CDC42BPA: variants seen among roughly 807,000 people sequenced by gnomAD.
CDC42BPA encodes serine/threonine-protein kinase MRCK alpha.
A neutral mutation model predicts 223.5 loss-of-function variants in CDC42BPA; 80 were observed. That is an observed-to-expected ratio of 0.36 (90% confidence interval 0.30 to 0.43). The LOEUF (loss-of-function observed/expected upper bound fraction) is 0.43, where lower values mean the gene tolerates loss of function less well. CDC42BPA is among the 20% of genes least tolerant of loss of function. The probability of loss-of-function intolerance (pLI) is 1.00; values close to 1 mark genes in which losing one functional copy is unlikely to be tolerated. For synonymous variants in CDC42BPA, 694 were observed against 718.6 expected (o/e 0.97, Z 0.55); for missense variants, 1,743 against 2,099.9 (o/e 0.83, Z 3.32).
chr1:227,315,470 A>C (rs980619283), intron 1 of CDC42BPA, among the ~76,000 whole-genome samples: 2 of 152,060 alleles, frequency 1.3e-5, no homozygotes, highest in East Asian at 3.9e-4. Context: ...AGCTTCGCAG[A>C]TAGGAAAGAA....
rs1393976762 is a variant in CDC42BPA at position 227,304,821 on chromosome 1, A to G, written c.178+12184T>C. 2.0e-5 allele frequency among the ~76,000 whole-genome samples: 3 copies of G among 152,236 alleles called. No individual in the cohort carries two copies. In the East Asian group the frequency reaches 5.8e-4, roughly 29 times the overall value. ...AGAATAGCACAAGAGAATTTTAGGG[A>G]TGATGGAACTGCTCTGTACCTTGAC... On this transcript the variant is annotated intron_variant, in intron 1 of 36. Transcript: ENST00000366766.
intron 5 of CDC42BPA, among the ~76,000 whole-genome samples, chr1:227,188,062 TAA>T (rs1669118983): frequency 1.3e-5 from 2 of 152,036 alleles, no homozygotes; most frequent in Admixed American, 6.5e-5. Context: ...CAGAACTATG[TAA>T]AGAGAGGAAC....
intron 5 of CDC42BPA, among the ~76,000 whole-genome samples, chr1:227,192,543 TCTC>T (rs1489556074): frequency 6.6e-6 from 1 of 152,156 alleles, no homozygotes; most frequent in Non-Finnish European, 1.5e-5. Flanking sequence ...TTTACGTACT[TCTC>T]CTCAGCATCT....
chr1:227,316,940 CTA>C, intron 1 of CDC42BPA, 63 bp downstream of exon 1: 1 of 1,225,398 alleles, frequency 8.2e-7, no homozygotes, highest in Non-Finnish European at 1.2e-6. Flanking sequence ...TCATAACTCT[CTA>C]TACCAATTAA....
intron 8 of CDC42BPA, among the ~76,000 whole-genome samples, chr1:227,143,821 G>A (rs960872948): frequency 6.6e-6 from 1 of 152,168 alleles, no homozygotes; most frequent in Non-Finnish European, 1.5e-5. Flanking sequence ...ATTTCCCTCA[G>A]AGCAATGGTT....
chr1:227,253,268 G>GAGCGAGAGAGAA (rs397693800), intron 2 of CDC42BPA, among the ~76,000 whole-genome samples: 1 of 151,798 alleles, frequency 6.6e-6, no homozygotes, highest in Non-Finnish European at 1.5e-5. Flanking sequence ...GCGAGAGAGA[G>GAGCGAGAGAGAA]CGCGCGCGCG....
intron 1 of CDC42BPA, among the ~76,000 whole-genome samples, chr1:227,275,094 A>G (rs1038034558): frequency 1.3e-5 from 2 of 152,212 alleles, no homozygotes; most frequent in African/African-American, 4.8e-5. Flanking sequence ...AAGAAATACT[A>G]TTTTGAAAAC....
intron 2 of CDC42BPA, among the ~76,000 whole-genome samples, chr1:227,224,380 C>A (rs562497510): frequency 6.6e-6 from 1 of 151,988 alleles, no homozygotes; most frequent in East Asian, 1.9e-4. Context: ...ATTACAGGTG[C>A]GTGCCACCAC....
intron 5 of CDC42BPA, among the ~76,000 whole-genome samples, chr1:227,173,127 C>T (rs1018868800): frequency 8.5e-5 from 13 of 152,126 alleles, no homozygotes; most frequent in African/African-American, 2.7e-4. Context: ...AATATGAAAA[C>T]GTATATAATG....
chr1:227,250,623 AGTGT>A (rs372698370), intron 2 of CDC42BPA, among the ~76,000 whole-genome samples: 10 of 151,128 alleles, frequency 6.6e-5, no homozygotes, highest in East Asian at 3.9e-4. Context: ...TTGAAACTGA[AGTGT>A]GTGTGTGTGT....
At chr1:227,004,205 A>G (rs1023599554) in intron 35 of CDC42BPA, 2 of 152,102 alleles carry the variant, frequency 1.3e-5, no homozygotes, top group African/African-American at 2.4e-5. Context: ...TCTCTCCCTT[A>G]CTTTTCCATG....
chr1:227,272,714 C>T (rs1686160064), intron 1 of CDC42BPA, among the ~76,000 whole-genome samples: 1 of 152,118 alleles, frequency 6.6e-6, no homozygotes, highest in South Asian at 2.1e-4. Context: ...AGCTACTGCT[C>T]CTGGCCCTGT....
chr1:227,162,916 G>A (rs923649350), intron 5 of CDC42BPA, among the ~76,000 whole-genome samples: 1 of 150,474 alleles, frequency 6.6e-6, no homozygotes, highest in East Asian at 1.9e-4. Context: ...GTGTATATGT[G>A]TGTGTTTCCA....
chr1:227,305,843 A>G (rs1692440265), intron 1 of CDC42BPA, among the ~76,000 whole-genome samples: 1 of 152,042 alleles, frequency 6.6e-6, no homozygotes, highest in African/African-American at 2.4e-5. Context: ...GTGGATGCCT[A>G]TAATCCCAGC....
At chr1:227,042,765 GA>G (rs1671646985) in intron 23 of CDC42BPA, among the ~76,000 whole-genome samples, 3 of 151,824 alleles carry the variant, frequency 2.0e-5, no homozygotes, top group Admixed American at 6.6e-5. Context: ...AAAATGAAAA[GA>G]AAAAAATCTA....
intron 3 of CDC42BPA, among the ~76,000 whole-genome samples, chr1:227,201,865 T>C (rs1378598973): frequency 6.6e-6 from 1 of 152,174 alleles, no homozygotes; most frequent in African/African-American, 2.4e-5. Flanking sequence ...GGCTACACCA[T>C]ATTCCAGATA....
chr1:227,124,669 G>A (rs1278562076), intron 11 of CDC42BPA, among the ~76,000 whole-genome samples: 5 of 152,220 alleles, frequency 3.3e-5, no homozygotes, highest in South Asian at 2.1e-4. Flanking sequence ...CAAGGAAGTA[G>A]TAACAAGAGA....
intron 10 of CDC42BPA, among the ~76,000 whole-genome samples, chr1:227,136,080 C>T (rs1391203962): frequency 6.6e-6 from 1 of 151,842 alleles, no homozygotes; most frequent in Non-Finnish European, 1.5e-5. Context: ...GAAAGGCAGG[C>T]TCGCAGAAGA....
At chr1:227,089,627 GTTTTTTT>G (rs72110440) in intron 16 of CDC42BPA, among the ~76,000 whole-genome samples, 96 of 116,720 alleles carry the variant, frequency 8.2e-4, no homozygotes, top group African/African-American at 3.0e-3. Flanking sequence ...GGGTAATTCC[GTTTTTTT>G]TTTTTTTTTT....
Sources: allele counts gnomAD v4.1 joint callset (sites outside exome capture counted in the v4.1 genomes callset), GRCh38; gene constraint gnomAD v4.1.1; transcripts MANE v1.5; gene names NCBI Gene and HGNC (gene_info 2026-07-23, HGNC 2026-07-21).